AKAP12: variants seen among roughly 807,000 people sequenced by gnomAD.
AKAP12 encodes the protein A-kinase anchor protein 12.
In AKAP12, 32 loss-of-function variants were observed where a neutral mutation model predicts 79.9. That is an observed-to-expected ratio of 0.40 (90% CI 0.30 to 0.54). The LOEUF (loss-of-function observed/expected upper bound fraction) is 0.54. Among genes scored for constraint, AKAP12 ranks in the 20% least tolerant of loss-of-function variants. The pLI is 0.48. For synonymous variants in AKAP12, 808 were observed against 857.0 expected, an observed-to-expected ratio of 0.94 and a Z score of 1.00; for missense variants, 2,074 against 2,177.0, an observed-to-expected ratio of 0.95 and a Z score of 0.94.
intron 2 of AKAP12, among the ~76,000 whole-genome samples, chr6:151,304,850 A>T (rs1776943132): frequency 6.6e-6 from 1 of 151,952 alleles, no homozygotes. Context: ...GGGATTACAA[A>T]CATGAGCCAC....
intron 2 of AKAP12, among the ~76,000 whole-genome samples, chr6:151,293,688 TG>T (rs1427425448): frequency 5.9e-5 from 9 of 152,226 alleles, no homozygotes; most frequent in Admixed American, 5.9e-4. Flanking sequence ...GGTGCTTTTT[TG>T]TTAAACACGG....
At chr6:151,291,748 AT>A (rs1776626666) in intron 2 of AKAP12, among the ~76,000 whole-genome samples, 1 of 152,246 alleles carries the variant, frequency 6.6e-6, no homozygotes, top group African/African-American at 2.4e-5. Context: ...TAAATGTTTA[AT>A]GAGTTTTTTA....
chr6:151,240,660 C>T lies in AKAP12; in HGVS notation c.98C>T (p.Ser33Leu). ...AEPEPSGGGP[S>L]AEAAPDTTAD... ...CCCGAGCCCAGCGGCGGCGGCCCCT[C>T]GGCCGAGGCGGCGCCAGACACCACC... The change falls in exon 2 of 5, where the codon TCG becomes TTG. Residue 33 changes from serine to leucine, a missense_variant. Transcript: ENST00000402676. 7.6e-7 allele frequency: 1 copy of T among 1,313,258 alleles called. No individual in the cohort carries two copies. Among genetic ancestry groups the T allele is most frequent in the Non-Finnish European group, 9.7e-7 (1 of 1,034,900 alleles). 81.4% of individuals were successfully genotyped at this position (1,313,258 alleles called of 1,614,324 possible).
intron 2 of AKAP12, among the ~76,000 whole-genome samples, chr6:151,280,974 C>G (rs1218497523): frequency 6.6e-6 from 1 of 152,070 alleles, no homozygotes; most frequent in Non-Finnish European, 1.5e-5. Context: ...ATGTGTAATT[C>G]TAAAGATATA....
In AKAP12 at chr6:151,348,866, C is replaced by T; in HGVS notation, c.475C>T (p.Leu159=). ...IPSSESNLEE[L]TQPTESQAND... The stretch of plus-strand genomic sequence containing the variant: ...TTCTTCAGAAAGCAATTTAGAAGAG[C>T]TAACACAACCCACTGAGTCCCAGGC... The change falls in exon 4 of 5, where the codon CTA becomes TTA. Residue 159 remains leucine (L), a synonymous_variant. Transcript: ENST00000402676. 6.2e-7 allele frequency: 1 copy of T among 1,614,090 alleles called. No homozygotes were observed. Among genetic ancestry groups the T allele is most frequent in the Admixed American group, 1.7e-5 (1 of 60,018 alleles).
At chr6:151,282,524 A>G (rs1000547308) in intron 2 of AKAP12, among the ~76,000 whole-genome samples, 2 of 152,134 alleles carry the variant, frequency 1.3e-5, no homozygotes, top group African/African-American at 4.8e-5. Context: ...TGCCCAGGGA[A>G]GAGGCTTGCA....
intron 2 of AKAP12, among the ~76,000 whole-genome samples, chr6:151,256,372 T>G (rs1363579064): frequency 1.3e-5 from 2 of 152,148 alleles, no homozygotes; most frequent in Non-Finnish European, 2.9e-5. Context: ...GAATAGCAAT[T>G]CAGAAGGCTT....
At chr6:151,278,142 T>C (rs1292190945) in intron 2 of AKAP12, among the ~76,000 whole-genome samples, 1 of 152,252 alleles carries the variant, frequency 6.6e-6, no homozygotes, top group Admixed American at 6.5e-5. Context: ...TTGAGGTCTA[T>C]AATTTATTAA....
intron 2 of AKAP12, among the ~76,000 whole-genome samples, chr6:151,259,790 T>C (rs1161431635): frequency 1.3e-5 from 2 of 152,000 alleles, no homozygotes; most frequent in Non-Finnish European, 2.9e-5. Context: ...TTGCCCAGGC[T>C]GGTCTTGAAC....
intron 2 of AKAP12, among the ~76,000 whole-genome samples, chr6:151,247,466 G>A (rs1419149827): frequency 6.6e-6 from 1 of 152,012 alleles, no homozygotes; most frequent in African/African-American, 2.4e-5. Context: ...AATCAAATTG[G>A]AAAAAAGCAA....
intron 2 of AKAP12, among the ~76,000 whole-genome samples, chr6:151,251,839 A>C (rs1797181813): frequency 6.6e-6 from 1 of 152,124 alleles, no homozygotes; most frequent in South Asian, 2.1e-4. Flanking sequence ...TTTACTAAAA[A>C]TACAAAAATT....
intron 2 of AKAP12, among the ~76,000 whole-genome samples, chr6:151,264,782 G>T (rs1014053586): frequency 2.6e-5 from 4 of 151,958 alleles, no homozygotes; most frequent in Non-Finnish European, 5.9e-5. Context: ...AATTAATTTA[G>T]CTTCAAACAT....
At chr6:151,288,872 A>G (rs1370671709) in intron 2 of AKAP12, among the ~76,000 whole-genome samples, 8 of 152,220 alleles carry the variant, frequency 5.3e-5, no homozygotes, top group Non-Finnish European at 1.0e-4. Flanking sequence ...TTAAGGGATT[A>G]ATGGCATCGC....
Position 151,356,466 on chromosome 6 carries a change from A to G in AKAP12, c.*752A>G, listed in dbSNP as rs796354755. On this transcript the variant is annotated 3_prime_UTR_variant, in exon 5 of 5. Transcript: ENST00000402676. ...TATTCTGGTAGCAAATTAACTTTAC[A>G]TCCTTTTTCCTACTTGTTATGGTTG... 1.3e-5 allele frequency: 2 copies of G among 151,208 alleles called. No homozygotes were observed. The highest frequency in any genetic ancestry group is 4.9e-5 in the African/African-American group (2 of 40,480). The allele number at this position is 151,208 out of a possible 1,614,324, so 9.4% of individuals were successfully genotyped here. A position where few individuals can be genotyped will look rare whatever the true frequency, so the allele number is the denominator to read the frequency against.
At chr6:151,339,135 G>A (rs992163171) in intron 3 of AKAP12, among the ~76,000 whole-genome samples, 3 of 152,192 alleles carry the variant, frequency 2.0e-5, no homozygotes, top group Non-Finnish European at 2.9e-5. Flanking sequence ...GTCCACATTA[G>A]ACATAAAGCA....
At chr6:151,339,963 G>A (rs1777906839) in intron 3 of AKAP12, among the ~76,000 whole-genome samples, 1 of 149,976 alleles carries the variant, frequency 6.7e-6, no homozygotes, top group South Asian at 2.1e-4. Context: ...GTCTCGCTCT[G>A]TTGCCCAGGC....
At chr6:151,347,065 ACATTGCACAT>A (rs1302978107) in intron 3 of AKAP12, among the ~76,000 whole-genome samples, 1 of 152,206 alleles carries the variant, frequency 6.6e-6, no homozygotes, top group Non-Finnish European at 1.5e-5. Context: ...GACAATGCAC[ACATTGCACAT>A]GAACACCCAA....
At chr6:151,297,359 G>A (rs778927507) in intron 2 of AKAP12, among the ~76,000 whole-genome samples, 2 of 151,806 alleles carry the variant, frequency 1.3e-5, no homozygotes, top group Non-Finnish European at 1.5e-5. Context: ...GGTGGATCAC[G>A]AGGTCAGGAG....
intron 3 of AKAP12, among the ~76,000 whole-genome samples, chr6:151,316,290 T>G (rs901846780): frequency 2.8e-4 from 42 of 152,216 alleles, no homozygotes; most frequent in African/African-American, 9.9e-4. Context: ...AGGTGAAAAG[T>G]GCTATGTGCT....
Sources: allele counts gnomAD v4.1 joint callset (sites outside exome capture counted in the v4.1 genomes callset), GRCh38; gene constraint gnomAD v4.1.1; transcripts MANE v1.5; gene names NCBI Gene and HGNC (gene_info 2026-07-23, HGNC 2026-07-21).